C1orf87: variants seen among roughly 807,000 people sequenced by gnomAD.
The protein encoded by C1orf87 is uncharacterized protein C1orf87.
In C1orf87, 58 loss-of-function variants were observed where a neutral mutation model predicts 60.5. That is an observed-to-expected ratio of 0.96 (90% CI 0.78 to 1.19). The LOEUF is 1.19. Ranked by LOEUF, C1orf87 falls within the 50% of genes most tolerant of loss-of-function variation. C1orf87 has a pLI of 0.00. For missense variants in C1orf87, 673 were observed against 638.6 expected, an observed-to-expected ratio of 1.05 and a Z score of -0.58; for synonymous variants, 236 against 227.4, an observed-to-expected ratio of 1.04 and a Z score of -0.34.
chr1:60,028,335 G>A (rs768678812), intron 7 of C1orf87, among the ~76,000 whole-genome samples: 22 of 152,094 alleles, frequency 1.4e-4, no homozygotes, highest in Non-Finnish European at 2.9e-4. Context: ...AGTACATCAG[G>A]GTTCCTAGAA....
chr1:60,013,434 C>A (rs1645103214), intron 8 of C1orf87, among the ~76,000 whole-genome samples: 1 of 151,884 alleles, frequency 6.6e-6, no homozygotes, highest in African/African-American at 2.4e-5. Context: ...TCCATATTTA[C>A]CAAAATTCTT....
At chr1:60,001,338 G>A (rs757002350) in intron 9 of C1orf87, among the ~76,000 whole-genome samples, 182 bp from the exon 10 acceptor site, 7 of 151,998 alleles carry the variant, frequency 4.6e-5, no homozygotes, top group Non-Finnish European at 8.8e-5. Context: ...TCCCACCCTG[G>A]TGGACCTCAG....
chr1:60,072,924 G>A (rs369124579), intron 1 of C1orf87, among the ~76,000 whole-genome samples: 11 of 152,264 alleles, frequency 7.2e-5, no homozygotes, highest in African/African-American at 2.4e-4. Context: ...GTAATTAGCC[G>A]ACTTGGGAAT....
At chr1:60,033,877 A>G (rs140588940) in intron 6 of C1orf87, among the ~76,000 whole-genome samples, 2 of 152,324 alleles carry the variant, frequency 1.3e-5, no homozygotes, top group African/African-American at 4.8e-5. Context: ...AAGAGGCACC[A>G]ACCAATCTGA....
chr1:60,037,807 G>C (rs1645288252), intron 6 of C1orf87, among the ~76,000 whole-genome samples, 185 bp downstream of exon 6: 1 of 152,176 alleles, frequency 6.6e-6, no homozygotes, highest in African/African-American at 2.4e-5. Flanking sequence ...GTGCATCCTG[G>C]AAGAACCCTC....
chr1:60,047,675 T>G (rs1270562336), intron 3 of C1orf87, among the ~76,000 whole-genome samples: 1 of 151,492 alleles, frequency 6.6e-6, no homozygotes, highest in Non-Finnish European at 1.5e-5. Flanking sequence ...GGGTTTTATG[T>G]AATTTTATTA....
intron 6 of C1orf87, among the ~76,000 whole-genome samples, chr1:60,037,757 C>T (rs929668986): frequency 1.1e-4 from 17 of 152,338 alleles, no homozygotes; most frequent in African/African-American, 3.8e-4. Flanking sequence ...CCAGCTTGCT[C>T]TCTTTCTGCC....
chr1:60,051,943 A>T (rs1327261198), intron 3 of C1orf87, among the ~76,000 whole-genome samples: 5 of 152,202 alleles, frequency 3.3e-5, no homozygotes, highest in Non-Finnish European at 7.3e-5. Context: ...TGAGACACAG[A>T]CCACCAGAAG....
chr1:60,054,549 T>C (rs748038036), intron 3 of C1orf87, among the ~76,000 whole-genome samples: 2 of 152,238 alleles, frequency 1.3e-5, no homozygotes, highest in Non-Finnish European at 2.9e-5. Flanking sequence ...AAACTCCTAC[T>C]CTATGTATCT....
chr1:60,006,996 C>T (rs142940870), intron 9 of C1orf87, among the ~76,000 whole-genome samples: 23 of 152,074 alleles, frequency 1.5e-4, no homozygotes, highest in Non-Finnish European at 2.2e-4. Flanking sequence ...ACTGCAGCCT[C>T]GATCTCATGG....
intron 1 of C1orf87, among the ~76,000 whole-genome samples, chr1:60,073,362 G>T (rs1054919487): frequency 3.3e-5 from 5 of 152,152 alleles, no homozygotes; most frequent in Admixed American, 6.5e-5. Context: ...AGGCTGAAAG[G>T]CCTTTAGAAA....
At chr1:60,043,399 T>C (rs1023613731) in intron 3 of C1orf87, among the ~76,000 whole-genome samples, 7 of 152,132 alleles carry the variant, frequency 4.6e-5, no homozygotes, top group Non-Finnish European at 1.0e-4. Flanking sequence ...TCTTTTTTTT[T>C]TGAGACCGAG....
intron 2 of C1orf87, among the ~76,000 whole-genome samples, chr1:60,071,490 C>T (rs1574334164): frequency 6.6e-6 from 1 of 152,320 alleles, no homozygotes; most frequent in East Asian, 1.9e-4. Context: ...GTGCTGCAAA[C>T]CTCAGTTCCT....
At chr1:60,050,324 A>G (rs773401251) in intron 3 of C1orf87, among the ~76,000 whole-genome samples, 2 of 151,940 alleles carry the variant, frequency 1.3e-5, no homozygotes, top group Non-Finnish European at 2.9e-5. Flanking sequence ...TTTTGTTCTC[A>G]TACAGGTTTG....
chr1:60,072,753 A>G (rs906327619), intron 1 of C1orf87, 83 bp from the exon 2 acceptor site: 1 of 679,488 alleles, frequency 1.5e-6, no homozygotes, highest in Admixed American at 2.8e-5. Context: ...ACAAGCAATA[A>G]TAATAGCAGG....
chr1:60,033,001 A>G (rs1277994833), intron 7 of C1orf87, among the ~76,000 whole-genome samples: 1 of 152,108 alleles, frequency 6.6e-6, no homozygotes, highest in Non-Finnish European at 1.5e-5. Flanking sequence ...ATGAGTTTTT[A>G]TGGTTCTGGA....
chr1:59,996,002 G>T (rs890165495), intron 11 of C1orf87, among the ~76,000 whole-genome samples: 5 of 151,976 alleles, frequency 3.3e-5, no homozygotes, highest in Non-Finnish European at 1.5e-5. Flanking sequence ...GGCTCATAAC[G>T]TATTTTTAAT....
chr1:60,059,965 C>T (rs1645483607), intron 2 of C1orf87, among the ~76,000 whole-genome samples: 1 of 151,946 alleles, frequency 6.6e-6, no homozygotes, highest in African/African-American at 2.4e-5. Context: ...AAAATAAAAT[C>T]GGAAATGGGA....
rs537890409 is a variant in C1orf87, at chr1:60,027,638, T to C, written c.1030-2140A>G. 5.3e-5 allele frequency among the ~76,000 whole-genome samples: 8 copies of C among 152,182 alleles called. No homozygotes were observed. The South Asian group carries it at 6.2e-4, about 12-fold the overall frequency. On this transcript the variant is annotated intron_variant, in intron 7 of 11. Coordinates refer to ENST00000371201, the MANE Select transcript of C1orf87 (RefSeq NM_152377.3). Reference sequence around the variant, plus strand: ...AAAAGCTCATCTTCGTTTTTCTTTATGAAAGGAAAGACAACCAATCGGGTT... The same window carrying C: ...AAAAGCTCATCTTCGTTTTTCTTTACGAAAGGAAAGACAACCAATCGGGTT...
Sources: gnomAD v4.1 joint callset for allele counts (sites outside exome capture counted in the v4.1 genomes callset) on GRCh38, gnomAD v4.1.1 for gene constraint, MANE v1.5 for transcripts, NCBI Gene and HGNC (gene_info 2026-07-23, HGNC 2026-07-21) for gene names.